The following CYFIP1 variants were observed in gnomAD, a reference collection of about 807,000 sequenced individuals.
The protein encoded by CYFIP1 is cytoplasmic FMR1 interacting protein 1.
A neutral mutation model predicts 163.5 loss-of-function variants in CYFIP1; 58 were observed. The observed-to-expected ratio is 0.35, with a 90% CI of 0.29 to 0.44. The LOEUF is 0.44. CYFIP1 is among the 20% of genes least tolerant of loss of function. The pLI is 1.00. For synonymous variants in CYFIP1, 663 were observed against 660.7 expected, an observed-to-expected ratio of 1.00 and a Z score of -0.05; for missense variants, 1,338 against 1,653.8, an observed-to-expected ratio of 0.81 and a Z score of 3.31.
At chr15:22,916,401 C>G in intron 16 of CYFIP1, 76 bp downstream of exon 16, 1 of 1,133,932 alleles carries the variant, frequency 8.8e-7, no homozygotes, top group Admixed American at 1.9e-5. Context: ...GGTGGTCAGG[C>G]GGGCGGAAGC....
At chr15:22,945,012 A>G in intron 3 of CYFIP1, 73 bp from the exon 4 acceptor site, 3 of 1,365,454 alleles carry the variant, frequency 2.2e-6, no homozygotes, top group Non-Finnish European at 3.1e-6. Context: ...AGTTGCTAAA[A>G]TCCAGACAAA....
At position 22,973,407 on chromosome 15, in the gene CYFIP1, C is replaced by T. The variant is rs562700021; in HGVS notation, c.-7+6880G>A. On this transcript the variant is annotated intron_variant, in intron 1 of 30. Transcript: ENST00000617928. ...ACCCGTTCTTCACTGATCCTCTCTC[C>T]CCTGCTTTCTGGCCCCAGGCAATCA... Among the ~76,000 whole-genome samples the T allele has an allele frequency of 1.5e-4, 22 of 150,990 alleles. No homozygotes were observed. In the South Asian group the frequency reaches 4.7e-3, roughly 32 times the overall value.
At position 22,967,459 on chromosome 15, in the gene CYFIP1, T is replaced by A. The variant is rs987425912; in HGVS notation, c.-7+12828A>T. Among the ~76,000 whole-genome samples, 4 of 152,226 alleles carry A rather than the reference T, an allele frequency of 2.6e-5. No homozygotes were observed. In the South Asian group the frequency reaches 6.2e-4, roughly 24 times the overall value. ...TCTACAGGAGTGCGGCCGACATATG[T>A]GAAGAGGAAGAACTCGGGGCACCTG... On this transcript the variant is annotated intron_variant, in intron 1 of 30. Transcript: ENST00000617928.
At chr15:22,933,992 T>C (rs1306162977) in intron 9 of CYFIP1, 99 bp from the exon 10 acceptor site, 8 of 766,750 alleles carry the variant, frequency 1.0e-5, no homozygotes, top group Non-Finnish European at 1.5e-5. Flanking sequence ...TACTTCGGCT[T>C]GAATGCTACC....
intron 26 of CYFIP1, among the ~76,000 whole-genome samples, chr15:22,878,238 G>A (rs1168934144): frequency 6.6e-6 from 1 of 152,202 alleles, no homozygotes; most frequent in African/African-American, 2.4e-5. Context: ...GAGGGAACAT[G>A]CTGAAGAAGA....
At chr15:22,876,190 C>T (rs1012921387) in intron 26 of CYFIP1, among the ~76,000 whole-genome samples, 1 of 151,786 alleles carries the variant, frequency 6.6e-6, no homozygotes, top group South Asian at 2.1e-4. Context: ...CAAGAAATAC[C>T]GACAATGAGA....
At chr15:22,932,035 AC>A (rs2061555640) in intron 11 of CYFIP1, among the ~76,000 whole-genome samples, 187 bp downstream of exon 11, 1 of 152,232 alleles carries the variant, frequency 6.6e-6, no homozygotes, top group Non-Finnish European at 1.5e-5. Flanking sequence ...GCATGAGGAC[AC>A]GATGACGTTC....
At chr15:22,878,565 G>A (rs1001698024) in intron 26 of CYFIP1, among the ~76,000 whole-genome samples, 1 of 151,622 alleles carries the variant, frequency 6.6e-6, no homozygotes, top group Admixed American at 6.6e-5. Flanking sequence ...CATGCAGAAG[G>A]CAAAGCTTCA....
chr15:22,948,145 C>G (rs933421076), intron 1 of CYFIP1: 1 of 210,438 alleles, frequency 4.8e-6, no homozygotes. Flanking sequence ...GGTAGTCAGT[C>G]CCACTGCACT....
intron 1 of CYFIP1, among the ~76,000 whole-genome samples, chr15:22,955,740 G>A (rs1390775398): frequency 1.3e-5 from 2 of 152,146 alleles, no homozygotes; most frequent in Middle Eastern, 3.2e-3. Flanking sequence ...GCAAGCTCAC[G>A]GGCTCAGGGC....
At position 22,868,851 on chromosome 15, in the gene CYFIP1, A is replaced by AAGTG. The variant is rs1180516713; in HGVS notation, c.*1173_*1176dup. ...AAAATGACTGCCAGGCTACAATATA[A>AAGTG]AGTGAGTTCAGTTAATCATGCTGGA... On this transcript the variant is annotated 3_prime_UTR_variant, in exon 31 of 31. Transcript: ENST00000617928. 3 of 152,218 alleles carry AAGTG rather than the reference A, an allele frequency of 2.0e-5. No individual in the cohort carries two copies. The highest frequency in any genetic ancestry group is 4.8e-5 in the African/African-American group (2 of 41,442). 9.4% of individuals were successfully genotyped at this position (152,218 alleles called of 1,614,324 possible). A position where few individuals can be genotyped will look rare whatever the true frequency, so the allele number is the denominator to read the frequency against.
intron 10 of CYFIP1, among the ~76,000 whole-genome samples, chr15:22,933,086 G>A (rs1017356319): frequency 5.9e-5 from 9 of 151,822 alleles, no homozygotes; most frequent in Admixed American, 2.6e-4. Context: ...CATCCACCTC[G>A]GCCTCCCAAA....
chr15:22,909,487 GGT>G (rs1296489882), intron 20 of CYFIP1, among the ~76,000 whole-genome samples, 174 bp from the exon 21 acceptor site: 1 of 152,100 alleles, frequency 6.6e-6, no homozygotes, highest in Non-Finnish European at 1.5e-5. Context: ...TCTTTTTACA[GGT>G]GTTATGACGA....
chr15:22,909,420 AC>A lies in CYFIP1; in HGVS notation c.2269-108del, dbSNP rs531327681. 795 of 1,388,204 alleles carry A rather than the reference AC, an allele frequency of 5.7e-4. 6 individuals are homozygous for A. The African/African-American group carries it at 0.01, about 18-fold the overall frequency. 86.0% of individuals were successfully genotyped at this position (1,388,204 alleles called of 1,614,324 possible). A position where few individuals can be genotyped will look rare whatever the true frequency, so the allele number is the denominator to read the frequency against. On this transcript the variant is annotated intron_variant, in intron 20 of 30. Transcript: ENST00000617928. ...GAGAAGCTGGTCTGTCAATAACGAC[AC>A]CCTTTACAACCACGTTCAAGACCCA...
chr15:22,893,015 A>C (rs2060122344), intron 22 of CYFIP1, 38 bp from the exon 23 acceptor site: 1 of 1,465,022 alleles, frequency 6.8e-7, no homozygotes, highest in African/African-American at 1.4e-5. Context: ...AAGAAACCAA[A>C]TTTAACAATA....
intron 10 of CYFIP1, 38 bp downstream of exon 10, chr15:22,933,764 C>G (rs1213558235): frequency 1.3e-6 from 2 of 1,501,142 alleles, no homozygotes; most frequent in African/African-American, 1.4e-5. Flanking sequence ...GAGGACACTG[C>G]CGAAAGCTCA....
chr15:22,924,110 T>C (rs766429992), intron 13 of CYFIP1, among the ~76,000 whole-genome samples: 1 of 152,126 alleles, frequency 6.6e-6, no homozygotes, highest in African/African-American at 2.4e-5. Flanking sequence ...AAAACAGTGA[T>C]ACCTGTGTGA....
chr15:22,948,862 G>C (rs1376195219), intron 1 of CYFIP1, among the ~76,000 whole-genome samples: 1 of 148,076 alleles, frequency 6.8e-6, no homozygotes, highest in Non-Finnish European at 1.5e-5. Context: ...ATAGAGCAAT[G>C]TTAAGTTTTC....
At chr15:22,944,783 C>G in intron 4 of CYFIP1, 79 bp downstream of exon 4, 3 of 1,541,614 alleles carry the variant, frequency 1.9e-6, no homozygotes, top group Non-Finnish European at 2.7e-6. Flanking sequence ...GTGGGCCAGG[C>G]ATGGCAGGGG....
Sources: allele counts gnomAD v4.1 joint callset (sites outside exome capture counted in the v4.1 genomes callset), GRCh38; gene constraint gnomAD v4.1.1; transcripts MANE v1.5; gene names NCBI Gene and HGNC (gene_info 2026-07-23, HGNC 2026-07-21).